Variants in OR5D13 observed in about 807,000 individuals in gnomAD.
The protein encoded by OR5D13 is olfactory receptor 5D13.
For synonymous variants in OR5D13, 192 were observed against 134.3 expected (o/e 1.43, Z -2.97); for missense variants, 470 against 372.1 (o/e 1.26, Z -2.16).
rs557354554 is a variant in OR5D13 at position 55,774,119 on chromosome 11, A to T, written c.682A>T (p.Met228Leu). 6.2e-7 allele frequency: 1 copy of T among 1,613,822 alleles called. No individual in the cohort carries two copies. Among genetic ancestry groups the T allele is most frequent in the African/African-American group, 1.3e-5 (1 of 74,884 alleles). Residue 228 changes from methionine to leucine, a missense_variant, in exon 1 of 1, where the codon ATG becomes TTG. Physicochemically the swap from Met to Leu is conservative, Grantham distance 15 (BLOSUM62 2). Coordinates refer to ENST00000623930, the MANE Select transcript of OR5D13 (RefSeq NM_001001967.1). ...TSYMLIFTTI[M>L]KMRSASGRQK... ...ATATATGCTTATTTTCACTACCATT[A>T]TGAAGATGCGATCTGCAAGTGGGCG... is the stretch of plus-strand genomic sequence containing the variant.
chr11:55,773,472 C>T lies in OR5D13; in HGVS notation c.35C>T (p.Pro12Leu). ...TCTGAAAGAAATCAAAGCAGCACAC[C>T]CACTTTTATTCTCTTGGGTTTTTCA... The part of the protein sequence containing the change: ...MASERNQSST[P>L]TFILLGFSEY... Residue 12 changes from proline to leucine, a missense_variant, in exon 1 of 1, where the codon CCC (proline) becomes CTC (leucine). By Grantham distance (98) the Pro-to-Leu change is moderately conservative (BLOSUM62 -3). Coordinates refer to ENST00000623930, the MANE Select transcript of OR5D13 (RefSeq NM_001001967.1). 6.2e-7 allele frequency: 1 copy of T among 1,607,114 alleles called. No individual in the cohort carries two copies. Among genetic ancestry groups the T allele is most frequent in the Non-Finnish European group, 8.5e-7 (1 of 1,178,022 alleles).
At position 55,774,213 on chromosome 11, in the gene OR5D13, T is replaced by A; in HGVS notation, c.776T>A (p.Phe259Tyr). The change falls in exon 1 of 1, where the codon TTC becomes TAC. Residue 259 changes from phenylalanine (F) to tyrosine (Y), a missense_variant. Phe to Tyr is a conservative substitution (Grantham distance 22). Transcript: ENST00000623930. The stretch of plus-strand genomic sequence containing the variant: ...ACTATCTTCCATGGAACTATCCTTT[T>A]CCTTTACTGTGTTCCTAATCCTAAA... ...AITIFHGTIL[F>Y]LYCVPNPKTS... The A allele has an allele frequency of 1.9e-6, 3 of 1,613,790 alleles. No individual in the cohort carries two copies. The East Asian group carries it at 6.7e-5, about 36-fold the overall frequency.
Position 55,773,480 on chromosome 11 carries a change from A to G in OR5D13, c.43A>G (p.Ile15Val). Reference sequence around the variant, plus strand: ...AAATCAAAGCAGCACACCCACTTTTATTCTCTTGGGTTTTTCAGAATACCC... The same window carrying G: ...AAATCAAAGCAGCACACCCACTTTTGTTCTCTTGGGTTTTTCAGAATACCC... ...ERNQSSTPTFILLGFSEYPEI... is the reference protein window; with the variant it reads ...ERNQSSTPTFVLLGFSEYPEI... Residue 15 changes from isoleucine (I) to valine (V), a missense_variant, in exon 1 of 1, where the codon ATT (isoleucine) becomes GTT (valine). Coordinates refer to ENST00000623930, the MANE Select transcript of OR5D13 (RefSeq NM_001001967.1). 6.2e-7 allele frequency: 1 copy of G among 1,610,760 alleles called. No homozygotes were observed. Among genetic ancestry groups the G allele is most frequent in the East Asian group, 2.2e-5 (1 of 44,858 alleles).
Position 55,773,471 on chromosome 11 carries a change from C to A in OR5D13, c.34C>A (p.Pro12Thr). 6.2e-7 allele frequency: 1 copy of A among 1,607,188 alleles called. No homozygotes were observed. Among genetic ancestry groups the A allele is most frequent in the Non-Finnish European group, 8.5e-7 (1 of 1,177,944 alleles). ...MASERNQSSTPTFILLGFSEY... is the reference protein window; with the variant it reads ...MASERNQSSTTTFILLGFSEY... ...ATCTGAAAGAAATCAAAGCAGCACA[C>A]CCACTTTTATTCTCTTGGGTTTTTC... Residue 12 changes from proline to threonine, a missense_variant, in exon 1 of 1, where the codon CCC becomes ACC. Transcript: ENST00000623930.
Position 55,774,213 on chromosome 11 carries a change from T to C in OR5D13, c.776T>C (p.Phe259Ser), listed in dbSNP as rs1565108733. 6.2e-7 allele frequency: 1 copy of C among 1,613,908 alleles called. No homozygotes were observed. The highest frequency in any genetic ancestry group is 8.5e-7 in the Non-Finnish European group (1 of 1,179,982). The change falls in exon 1 of 1, where the codon TTC becomes TCC. Residue 259 changes from phenylalanine to serine, a missense_variant. Coordinates refer to ENST00000623930, the MANE Select transcript of OR5D13 (RefSeq NM_001001967.1). ...AITIFHGTIL[F>S]LYCVPNPKTS... ...ACTATCTTCCATGGAACTATCCTTT[T>C]CCTTTACTGTGTTCCTAATCCTAAA... is the stretch of plus-strand genomic sequence containing the variant.
rs1424473460 is a variant in OR5D13, at chr11:55,773,639, T to C, written c.202T>C (p.Leu68=). Residue 68 remains leucine (L), a synonymous_variant, in exon 1 of 1, where the codon TTG becomes CTG. Coordinates refer to ENST00000623930, the MANE Select transcript of OR5D13 (RefSeq NM_001001967.1). ...AATCATGTGCTTTTTCCTTAGTCACTTGTCCTTGACAGACTTCTGTTTTTC... is the reference window on the plus strand; with the variant it reads ...AATCATGTGCTTTTTCCTTAGTCACCTGTCCTTGACAGACTTCTGTTTTTC... ...HTIMCFFLSH[L]SLTDFCFSTV... 1.9e-6 allele frequency: 3 copies of C among 1,613,238 alleles called. No homozygotes were observed. Among genetic ancestry groups the C allele is most frequent in the Non-Finnish European group, 2.5e-6 (3 of 1,179,578 alleles).
rs1335637591 is a variant in OR5D13 at position 55,774,135 on chromosome 11, C to A, written c.698C>A (p.Ala233Glu). The change falls in exon 1 of 1, where the codon GCA becomes GAA. Residue 233 changes from alanine (A) to glutamate (E), a missense_variant. Ala to Glu is a moderately radical substitution (Grantham distance 107). Coordinates refer to ENST00000623930, the MANE Select transcript of OR5D13 (RefSeq NM_001001967.1). The stretch of plus-strand genomic sequence containing the variant: ...ACTACCATTATGAAGATGCGATCTG[C>A]AAGTGGGCGCCAGAAAACTTTCTCC... ...IFTTIMKMRS[A>E]SGRQKTFSTC... The A allele has an allele frequency of 6.2e-7, 1 of 1,613,678 alleles. No individual in the cohort carries two copies. Among genetic ancestry groups the A allele is most frequent in the Non-Finnish European group, 8.5e-7 (1 of 1,179,874 alleles).
At position 55,773,808 on chromosome 11, in the gene OR5D13, G is replaced by T. The variant is rs11230983; in HGVS notation, c.371G>T (p.Arg124Leu). 3.1e-6 allele frequency: 5 copies of T among 1,613,652 alleles called. No individual in the cohort carries two copies. The highest frequency in any genetic ancestry group is 2.2e-5 in the South Asian group (2 of 91,064). The change falls in exon 1 of 1, where the codon CGT (arginine) becomes CTT (leucine). Residue 124 changes from arginine to leucine, a missense_variant. Physicochemically the swap from Arg to Leu is moderately radical, Grantham distance 102. Coordinates refer to ENST00000623930, the MANE Select transcript of OR5D13 (RefSeq NM_001001967.1). ...TFMLAAMAYDRFVAVCKPLLY... is the reference protein window; with the variant it reads ...TFMLAAMAYDLFVAVCKPLLY... ...ATGTTAGCAGCGATGGCTTATGACC[G>T]TTTTGTGGCAGTTTGTAAACCCTTG...
Position 55,774,263 on chromosome 11 carries a change from G to T in OR5D13, c.826G>T (p.Ala276Ser), listed in dbSNP as rs754936778. The T allele has an allele frequency of 2.5e-6, 4 of 1,613,426 alleles. No individual in the cohort carries two copies. Among genetic ancestry groups the T allele is most frequent in the Non-Finnish European group, 3.4e-6 (4 of 1,179,852 alleles). Reference sequence around the variant, plus strand: ...AACTTCTAGCCTCATAGTTACAGTGGCTTCTGTGTTTTACACAGTGGCGAT... The same window carrying T: ...AACTTCTAGCCTCATAGTTACAGTGTCTTCTGTGTTTTACACAGTGGCGAT... The part of the protein sequence containing the change: ...PKTSSLIVTV[A>S]SVFYTVAIPM... The change falls in exon 1 of 1, where the codon GCT becomes TCT. Residue 276 changes from alanine to serine, a missense_variant. Ala to Ser is a moderately conservative substitution (Grantham distance 99). Coordinates refer to ENST00000623930, the MANE Select transcript of OR5D13 (RefSeq NM_001001967.1).
At position 55,773,730 on chromosome 11, in the gene OR5D13, G is replaced by T. The variant is rs1317394199; in HGVS notation, c.293G>T (p.Gly98Val). 1 of 1,613,874 alleles carries T rather than the reference G, an allele frequency of 6.2e-7. No homozygotes were observed. Among genetic ancestry groups the T allele is most frequent in the Admixed American group, 1.7e-5 (1 of 59,966 alleles). The change falls in exon 1 of 1, where the codon GGT becomes GTT. Residue 98 changes from glycine to valine, a missense_variant. Gly to Val is a moderately radical substitution (Grantham distance 109, BLOSUM62 -3). Coordinates refer to ENST00000623930, the MANE Select transcript of OR5D13 (RefSeq NM_001001967.1). ...GAATACAGAACCATCTCTTTCTCTG[G>T]TTGCATCATGCAATTTTGTTTTGCT... ...VVEYRTISFSGCIMQFCFACI... is the reference protein window; with the variant it reads ...VVEYRTISFSVCIMQFCFACI...
rs1429783415 is a variant in OR5D13, at chr11:55,773,490, G to T, written c.53G>T (p.Gly18Val). Residue 18 changes from glycine to valine, a missense_variant, in exon 1 of 1, where the codon GGT (glycine) becomes GTT (valine). Physicochemically the swap from Gly to Val is moderately radical, Grantham distance 109 (BLOSUM62 -3). Transcript: ENST00000623930. ...QSSTPTFILL[G>V]FSEYPEIQVP... Reference sequence around the variant, plus strand: ...AGCACACCCACTTTTATTCTCTTGGGTTTTTCAGAATACCCAGAAATCCAG... The same window carrying T: ...AGCACACCCACTTTTATTCTCTTGGTTTTTTCAGAATACCCAGAAATCCAG... 6.2e-7 allele frequency: 1 copy of T among 1,613,124 alleles called. No individual in the cohort carries two copies. Among genetic ancestry groups the T allele is most frequent in the East Asian group, 2.2e-5 (1 of 44,872 alleles).
At position 55,774,370 on chromosome 11, in the gene OR5D13, G is replaced by T. The variant is rs766858930; in HGVS notation, c.933G>T (p.Leu311Phe). 2.6e-6 allele frequency: 4 copies of T among 1,544,658 alleles called. No individual in the cohort carries two copies. The highest frequency in any genetic ancestry group is 1.2e-5 in the South Asian group (1 of 83,042). The change falls in exon 1 of 1, where the codon TTG (leucine) becomes TTT (phenylalanine). Residue 311 changes from leucine to phenylalanine, a missense_variant. Coordinates refer to ENST00000623930, the MANE Select transcript of OR5D13 (RefSeq NM_001001967.1). ...NMFEKLVVTK[L>F]IYH is the part of the protein sequence containing the mutation. ...TTGAAAAATTAGTTGTCACCAAATTGATTTACCACTGAATATGATGTTCTT... is the reference window on the plus strand; with the variant it reads ...TTGAAAAATTAGTTGTCACCAAATTTATTTACCACTGAATATGATGTTCTT...
In OR5D13 at chr11:55,773,591, A is replaced by C; in HGVS notation, c.154A>C (p.Arg52=). 6.2e-7 allele frequency: 1 copy of C among 1,613,408 alleles called. No individual in the cohort carries two copies. The highest frequency in any genetic ancestry group is 8.5e-7 in the Non-Finnish European group (1 of 1,179,612). Residue 52 remains arginine (R), a synonymous_variant, in exon 1 of 1, where the codon AGA becomes CGA. Coordinates refer to ENST00000623930, the MANE Select transcript of OR5D13 (RefSeq NM_001001967.1). ...GAACTTGGGCATGATAATAATCATCAGACTCAATTCAAAACTCCATACAAT... is the reference window on the plus strand; with the variant it reads ...GAACTTGGGCATGATAATAATCATCCGACTCAATTCAAAACTCCATACAAT... ...VGNLGMIIII[R]LNSKLHTIMC...
rs751129420 is a variant in OR5D13 at position 55,773,722 on chromosome 11, T to C, written c.285T>C (p.Ser95=). ...ENLVVEYRTI[S]FSGCIMQFCF... ...TGGTTGTGGAATACAGAACCATCTCTTTCTCTGGTTGCATCATGCAATTTT... is the reference window on the plus strand; with the variant it reads ...TGGTTGTGGAATACAGAACCATCTCCTTCTCTGGTTGCATCATGCAATTTT... Residue 95 remains serine (S), a synonymous_variant, in exon 1 of 1, where the codon TCT becomes TCC. Coordinates refer to ENST00000623930, the MANE Select transcript of OR5D13 (RefSeq NM_001001967.1). 2.7e-4 allele frequency: 436 copies of C among 1,613,868 alleles called. 6 individuals are homozygous for C. In the South Asian group the frequency reaches 4.6e-3, roughly 17 times the overall value.
Position 55,773,618 on chromosome 11 carries a change from A to G in OR5D13, c.181A>G (p.Met61Val), listed in dbSNP as rs1853280715. 6.2e-7 allele frequency: 1 copy of G among 1,613,236 alleles called. No individual in the cohort carries two copies. Among genetic ancestry groups the G allele is most frequent in the African/African-American group, 1.3e-5 (1 of 74,700 alleles). ...IRLNSKLHTI[M>V]CFFLSHLSLT... ...ACTCAATTCAAAACTCCATACAATCATGTGCTTTTTCCTTAGTCACTTGTC... is the reference window on the plus strand; with the variant it reads ...ACTCAATTCAAAACTCCATACAATCGTGTGCTTTTTCCTTAGTCACTTGTC... The change falls in exon 1 of 1, where the codon ATG (methionine) becomes GTG (valine). Residue 61 changes from methionine (M) to valine (V), a missense_variant. Physicochemically the swap from Met to Val is conservative, Grantham distance 21 (BLOSUM62 1). Coordinates refer to ENST00000623930, the MANE Select transcript of OR5D13 (RefSeq NM_001001967.1).
In OR5D13 at chr11:55,773,609, C is replaced by T; in HGVS notation, c.172C>T (p.His58Tyr). The T allele has an allele frequency of 6.2e-7, 1 of 1,613,432 alleles. No individual in the cohort carries two copies. The change falls in exon 1 of 1, where the codon CAT becomes TAT. Residue 58 changes from histidine to tyrosine, a missense_variant. Transcript: ENST00000623930. ...IIIIRLNSKL[H>Y]TIMCFFLSHL... ...AATCATCAGACTCAATTCAAAACTC[C>T]ATACAATCATGTGCTTTTTCCTTAG...
Position 55,774,369 on chromosome 11 carries a change from T to C in OR5D13, c.932T>C (p.Leu311Ser), listed in dbSNP as rs1420237774. ...NMFEKLVVTK[L>S]IYH ...TTTGAAAAATTAGTTGTCACCAAAT[T>C]GATTTACCACTGAATATGATGTTCT... The change falls in exon 1 of 1, where the codon TTG (leucine) becomes TCG (serine). Residue 311 changes from leucine (L) to serine (S), a missense_variant. Leu to Ser is a moderately radical substitution (Grantham distance 145). Transcript: ENST00000623930. 6 of 1,554,002 alleles carry C rather than the reference T, an allele frequency of 3.9e-6. No homozygotes were observed. Among genetic ancestry groups the C allele is most frequent in the Middle Eastern group, 1.7e-4 (1 of 5,802 alleles).
At position 55,774,150 on chromosome 11, in the gene OR5D13, A is replaced by G; in HGVS notation, c.713A>G (p.Lys238Arg). Residue 238 changes from lysine (K) to arginine (R), a missense_variant, in exon 1 of 1, where the codon AAA (lysine) becomes AGA (arginine). Coordinates refer to ENST00000623930, the MANE Select transcript of OR5D13 (RefSeq NM_001001967.1). ...ATGCGATCTGCAAGTGGGCGCCAGA[A>G]AACTTTCTCCACCTGTGCCTCCCAC... ...MKMRSASGRQ[K>R]TFSTCASHLT... The G allele has an allele frequency of 6.2e-7, 1 of 1,613,748 alleles. No homozygotes were observed. Among genetic ancestry groups the G allele is most frequent in the Non-Finnish European group, 8.5e-7 (1 of 1,179,944 alleles).
Position 55,773,665 on chromosome 11 carries a change from C to A in OR5D13, c.228C>A (p.Ser76=), listed in dbSNP as rs1853281638. ...SHLSLTDFCF[S]TVVTPKLLEN... is the part of the protein sequence containing the mutation. ...TGTCCTTGACAGACTTCTGTTTTTC[C>A]ACTGTAGTTACACCTAAACTGTTGG... is the stretch of plus-strand genomic sequence containing the variant. The change falls in exon 1 of 1, where the codon TCC becomes TCA. Residue 76 remains serine, a synonymous_variant. Transcript: ENST00000623930. The A allele has an allele frequency of 1.2e-6, 2 of 1,613,084 alleles. No individual in the cohort carries two copies. The highest frequency in any genetic ancestry group is 1.7e-6 in the Non-Finnish European group (2 of 1,179,472).
Sources: allele counts gnomAD v4.1 joint callset, GRCh38; gene constraint gnomAD v4.1.1; transcripts MANE v1.5; gene names NCBI Gene and HGNC (gene_info 2026-07-23, HGNC 2026-07-21).